The following ZC3H12A variants were observed in gnomAD, a reference collection of about 807,000 sequenced individuals.
The protein encoded by ZC3H12A is zinc finger CCCH-type containing 12A.
ZC3H12A carries 9 observed loss-of-function variants against 29.9 expected under a neutral mutation model. That is an observed-to-expected ratio of 0.30 (90% CI 0.18 to 0.53). The LOEUF (loss-of-function observed/expected upper bound fraction) is 0.53. Ranked by LOEUF, ZC3H12A falls within the 20% of genes least tolerant of loss-of-function variation. ZC3H12A has a pLI of 0.96. For missense variants in ZC3H12A, 617 were observed against 799.0 expected (o/e 0.77, Z 2.75); for synonymous variants, 323 against 338.1 (o/e 0.96, Z 0.49).
At chr1:37,481,476 G>T in intron 3 of ZC3H12A, 125 bp from the exon 4 acceptor site, 1 of 877,412 alleles carries the variant, frequency 1.1e-6, no homozygotes, top group Non-Finnish European at 1.8e-6. Flanking sequence ...AGCAGAGTTA[G>T]TTCTTGCCCC....
chr1:37,479,908 C>T lies in ZC3H12A; in HGVS notation c.444-382C>T, dbSNP rs1158573449. 1.1e-5 allele frequency: 11 copies of T among 1,015,504 alleles called. No homozygotes were observed. Among genetic ancestry groups the T allele is most frequent in the Non-Finnish European group, 1.2e-5 (10 of 848,304 alleles). The allele number at this position is 1,015,504 out of a possible 1,614,324, so 62.9% of individuals were successfully genotyped here. On this transcript the variant is annotated intron_variant, in intron 2 of 5. Coordinates refer to ENST00000373087, the MANE Select transcript of ZC3H12A (RefSeq NM_025079.3). The surrounding 1 kb of genome is among the most constrained non-coding windows in gnomAD (Gnocchi z 4.5). The stretch of plus-strand genomic sequence containing the variant: ...GGCAGGAACCAGAAGTCTCGCGGCA[C>T]CTTTCCCCCACCCCCAGGTGTGTTG...
chr1:37,475,634 G>A lies in ZC3H12A; in HGVS notation c.138G>A (p.Leu46=). ...TGGCCGCTGAGGAGGCCTCGGCCCTGGAACTGCAGATGAAGGTGGACTTCT... is the reference window on the plus strand; with the variant it reads ...TGGCCGCTGAGGAGGCCTCGGCCCTAGAACTGCAGATGAAGGTGGACTTCT... The part of the protein sequence containing the change: ...QELAAEEASA[L]ELQMKVDFFR... Residue 46 remains leucine (L), a synonymous_variant, in exon 2 of 6, where the codon CTG becomes CTA. Coordinates refer to ENST00000373087, the MANE Select transcript of ZC3H12A (RefSeq NM_025079.3). The surrounding 1 kb of genome is among the most constrained non-coding windows in gnomAD (Gnocchi z 5.2). 1 of 1,614,130 alleles carries A rather than the reference G, an allele frequency of 6.2e-7. No individual in the cohort carries two copies. The highest frequency in any genetic ancestry group is 1.1e-5 in the South Asian group (1 of 91,090).
chr1:37,479,485 T>C lies in ZC3H12A; in HGVS notation c.444-805T>C, dbSNP rs1641656041. 1.0e-6 allele frequency: 1 copy of C among 985,318 alleles called. No homozygotes were observed. The highest frequency in any genetic ancestry group is 1.2e-6 in the Non-Finnish European group (1 of 829,924). 61.0% of individuals were successfully genotyped at this position (985,318 alleles called of 1,614,324 possible). ...TGAGACCAAGGCAGGGCCCATGCCT[T>C]ACTCAGCTGTCCTTGCTAAGAGTCC... On this transcript the variant is annotated intron_variant, in intron 2 of 5. Transcript: ENST00000373087. This position sits in a 1 kb window ranked among gnomAD's most constrained non-coding sequence, Gnocchi z 4.5.
Position 37,483,277 on chromosome 1 carries a change from G to A in ZC3H12A, c.1466G>A (p.Arg489Gln), listed in dbSNP as rs545641417. Residue 489 changes from arginine (R) to glutamine (Q), a missense_variant, in exon 6 of 6, where the codon CGG (arginine) becomes CAG (glutamine). Transcript: ENST00000373087. ...ACCGCAGCCTTCTCTGCCTTTGGCC[G>A]GGCCATGGGTGCTGGCCACTTCAGT... is the stretch of plus-strand genomic sequence containing the variant. ...PATAAFSAFG[R>Q]AMGAGHFSVP... 1.6e-4 allele frequency: 259 copies of A among 1,614,028 alleles called. 2 individuals are homozygous for A. The South Asian group carries it at 2.4e-3, about 15-fold the overall frequency.
chr1:37,481,524 C>A, intron 3 of ZC3H12A, 77 bp from the exon 4 acceptor site: 1 of 1,439,208 alleles, frequency 6.9e-7, no homozygotes, highest in Non-Finnish European at 9.7e-7. Flanking sequence ...GTGTGGCCAT[C>A]AGCAGGTTAG....
Position 37,481,813 on chromosome 1 carries a change from A to G in ZC3H12A, c.796A>G (p.Met266Val). Reference protein sequence around the residue: ...WKRFIEERLLMYSFVNDKFMP... With the variant: ...WKRFIEERLLVYSFVNDKFMP... ...GCGCTTCATCGAGGAGCGGCTGCTCATGTACTCCTTCGTCAATGACAAGTA... is the reference window on the plus strand; with the variant it reads ...GCGCTTCATCGAGGAGCGGCTGCTCGTGTACTCCTTCGTCAATGACAAGTA... Residue 266 changes from methionine (M) to valine (V), a missense_variant, in exon 4 of 6, where the codon ATG (methionine) becomes GTG (valine). Physicochemically the swap from Met to Val is conservative, Grantham distance 21. Transcript: ENST00000373087. The G allele has an allele frequency of 6.2e-7, 1 of 1,614,110 alleles. No individual in the cohort carries two copies.
intron 2 of ZC3H12A, 37 bp from the exon 3 acceptor site, chr1:37,480,253 C>G (rs769748636): frequency 2.3e-5 from 37 of 1,595,120 alleles, no homozygotes; most frequent in Non-Finnish European, 3.1e-5. Context: ...GGCAGGCTGG[C>G]CATCAGTGTG....
rs1412911186 is a variant in ZC3H12A at position 37,483,076 on chromosome 1, C to CAG, written c.1266_1267insGA (p.Gln423AspfsTer151). ...AGCTTTGGGCCCACAGACTGGCTCC[C>CAG]ACAGACGCTGGACTCACTCCCGTAC... On this transcript the variant is annotated frameshift_variant, in exon 6 of 6. Transcript: ENST00000373087. LOFTEE classifies it low-confidence loss of function (END_TRUNC). 3.7e-6 allele frequency: 6 copies of CAG among 1,610,436 alleles called. No homozygotes were observed. In the African/African-American group the frequency reaches 8.0e-5, roughly 22 times the overall value.
In ZC3H12A at chr1:37,475,729, C is replaced by A; in HGVS notation, c.233C>A (p.Thr78Asn). The A allele has an allele frequency of 1.2e-6, 2 of 1,614,024 alleles. No individual in the cohort carries two copies. The highest frequency in any genetic ancestry group is 1.7e-6 in the Non-Finnish European group (2 of 1,180,042). The change falls in exon 2 of 6, where the codon ACC (threonine) becomes AAC (asparagine). Residue 78 changes from threonine (T) to asparagine (N), a missense_variant. Thr to Asn is a moderately conservative substitution (Grantham distance 65, BLOSUM62 0). Transcript: ENST00000373087. This position sits in a 1 kb window ranked among gnomAD's most constrained non-coding sequence, Gnocchi z 5.2. ...CAGAAGCTGGGCGTCCAGGCAGACA[C>A]CAACACGGTGCTGGGTGAGCTGGTG... is the stretch of plus-strand genomic sequence containing the variant. Reference protein sequence around the residue: ...VLQKLGVQADTNTVLGELVKH... With the variant: ...VLQKLGVQADNNTVLGELVKH...
chr1:37,477,162 C>T (rs532496261), intron 2 of ZC3H12A, among the ~76,000 whole-genome samples: 39 of 152,350 alleles, frequency 2.6e-4, no homozygotes, highest in African/African-American at 8.2e-4. Flanking sequence ...GCCCATGCTT[C>T]GAGATTAGAA....
chr1:37,482,165 A>G (rs1318772522), intron 4 of ZC3H12A, among the ~76,000 whole-genome samples: 2 of 152,190 alleles, frequency 1.3e-5, no homozygotes, highest in Non-Finnish European at 2.9e-5. Flanking sequence ...GCCATGGGCC[A>G]GTGGGTGCGG....
Position 37,482,844 on chromosome 1 carries a change from CCCCCCAGAG to C in ZC3H12A, c.1038_1046del (p.Arg347_Pro349del), listed in dbSNP as rs1361184159. Reference sequence around the variant, plus strand: ...GCTCCGTGCCAATGCTCTCCTCTCACCCCCCAGAGCCCCAAGCAAGGACAAAAATGGCCG... The same window carrying C: ...GCTCCGTGCCAATGCTCTCCTCTCACCCCCAAGCAAGGACAAAAATGGCCG... On this transcript the variant is annotated inframe_deletion, in exon 6 of 6. Coordinates refer to ENST00000373087, the MANE Select transcript of ZC3H12A (RefSeq NM_025079.3). 1 of 1,613,860 alleles carries C rather than the reference CCCCCCAGAG, an allele frequency of 6.2e-7. No individual in the cohort carries two copies. Among genetic ancestry groups the C allele is most frequent in the East Asian group, 2.2e-5 (1 of 44,896 alleles).
chr1:37,483,153 T>C lies in ZC3H12A; in HGVS notation c.1342T>C (p.Ser448Pro). 6.2e-7 allele frequency: 1 copy of C among 1,613,520 alleles called. No homozygotes were observed. ...SGIGSLESQM[S>P]ELWGVRGGGP... Reference sequence around the variant, plus strand: ...CATTGGCTCCCTGGAGAGCCAGATGTCGGAACTTTGGGGGGTTCGAGGAGG... The same window carrying C: ...CATTGGCTCCCTGGAGAGCCAGATGCCGGAACTTTGGGGGGTTCGAGGAGG... Residue 448 changes from serine to proline, a missense_variant, in exon 6 of 6, where the codon TCG (serine) becomes CCG (proline). This residue lies in a region of ZC3H12A where 172 missense variants were observed against 203.1 expected (regional missense o/e 0.85). Transcript: ENST00000373087.
rs1473340596 is a variant in ZC3H12A, at chr1:37,483,529, T to C, written c.1718T>C (p.Met573Thr). ...VFPPHLVEAV[M>T]GRFPQLLDPQ... ...CCCCCGCACCTGGTGGAGGCTGTGA[T>C]GGGGCGCTTCCCACAGCTCCTGGAC... Residue 573 changes from methionine to threonine, a missense_variant, in exon 6 of 6, where the codon ATG becomes ACG. Met to Thr is a moderately conservative substitution (Grantham distance 81). Transcript: ENST00000373087. 6.2e-7 allele frequency: 1 copy of C among 1,613,646 alleles called. No homozygotes were observed. Among genetic ancestry groups the C allele is most frequent in the African/African-American group, 1.3e-5 (1 of 74,916 alleles).
intron 5 of ZC3H12A, 65 bp from the exon 6 acceptor site, chr1:37,482,672 T>C: frequency 6.2e-7 from 1 of 1,611,734 alleles, no homozygotes; most frequent in Non-Finnish European, 8.5e-7. Context: ...GTGCCACCCC[T>C]TCCCTGCTCT....
In ZC3H12A at chr1:37,482,849, C is replaced by A. The variant is rs756616476; in HGVS notation, c.1038C>A (p.Pro346=). 1.7e-5 allele frequency: 27 copies of A among 1,614,028 alleles called. No homozygotes were observed. The highest frequency in any genetic ancestry group is 2.2e-5 in the Non-Finnish European group (26 of 1,180,038). The change falls in exon 6 of 6, where the codon CCC becomes CCA. Residue 346 remains proline, a synonymous_variant. Transcript: ENST00000373087. ...ELRANALLSP[P]RAPSKDKNGR... ...GTGCCAATGCTCTCCTCTCACCCCC[C>A]AGAGCCCCAAGCAAGGACAAAAATG...
In ZC3H12A at chr1:37,483,638, C is replaced by T. The variant is rs946679268; in HGVS notation, c.*27C>T. ...CTGCCTGTGGCTGGCAAGGGCAGCACCCCCAGCCTCCAAGGGCCGTCAGGC... is the reference window on the plus strand; with the variant it reads ...CTGCCTGTGGCTGGCAAGGGCAGCATCCCCAGCCTCCAAGGGCCGTCAGGC... On this transcript the variant is annotated 3_prime_UTR_variant, in exon 6 of 6. Coordinates refer to ENST00000373087, the MANE Select transcript of ZC3H12A (RefSeq NM_025079.3). 12 of 1,556,420 alleles carry T rather than the reference C, an allele frequency of 7.7e-6. 1 individual carries two copies. Among genetic ancestry groups the T allele is most frequent in the Non-Finnish European group, 1.0e-5 (12 of 1,152,304 alleles).
rs891886690 is a variant in ZC3H12A, at chr1:37,476,279, G to A, written c.443+340G>A. Among the ~76,000 whole-genome samples, 3 of 152,206 alleles carry A rather than the reference G, an allele frequency of 2.0e-5. No individual in the cohort carries two copies. Among genetic ancestry groups the A allele is most frequent in the South Asian group, 2.1e-4 (1 of 4,834 alleles). On this transcript the variant is annotated intron_variant, in intron 2 of 5. Coordinates refer to ENST00000373087, the MANE Select transcript of ZC3H12A (RefSeq NM_025079.3). The surrounding 1 kb of genome is among the most constrained non-coding windows in gnomAD (Gnocchi z 6.0). The stretch of plus-strand genomic sequence containing the variant: ...GTGGGCAGCTGCTCACTCACCCCTC[G>A]GAACCTGATCTCAGGTGGGTGTTGT...
Position 37,483,164 on chromosome 1 carries a change from G to A in ZC3H12A, c.1353G>A (p.Trp451Ter). ...TGGAGAGCCAGATGTCGGAACTTTGGGGGGTTCGAGGAGGAGGCCCTGGTG... is the reference window on the plus strand; with the variant it reads ...TGGAGAGCCAGATGTCGGAACTTTGAGGGGTTCGAGGAGGAGGCCCTGGTG... ...GSLESQMSELWGVRGGGPGEP... is the reference protein window; with the variant it reads ...GSLESQMSEL The change falls in exon 6 of 6, where the codon TGG becomes TGA. Residue 451 changes from tryptophan to a stop codon, truncating the protein, a stop_gained. Transcript: ENST00000373087. LOFTEE classifies it low-confidence loss of function (END_TRUNC). 6.2e-7 allele frequency: 1 copy of A among 1,613,510 alleles called. No homozygotes were observed.
Sources: allele counts gnomAD v4.1 joint callset (sites outside exome capture counted in the v4.1 genomes callset), GRCh38; gene constraint gnomAD v4.1.1; regional missense constraint gnomAD v4.1.1; non-coding constraint Gnocchi (gnomAD v3.1); transcripts MANE v1.5; gene names NCBI Gene and HGNC (gene_info 2026-07-23, HGNC 2026-07-21).